HERC4: variants seen among roughly 807,000 people sequenced by gnomAD.
HERC4 encodes the protein probable E3 ubiquitin-protein ligase HERC4.
Under a neutral mutation model 124.3 loss-of-function variants are expected in HERC4, and 28 were observed. The observed-to-expected ratio is 0.23, with a 90% CI of 0.17 to 0.31. The LOEUF (loss-of-function observed/expected upper bound fraction) is 0.31, where lower values mean the gene tolerates loss of function less well. Ranked by LOEUF, HERC4 falls within the 10% of genes least tolerant of loss-of-function variation. HERC4 has a pLI of 1.00. For synonymous variants in HERC4, 407 were observed against 421.5 expected, an observed-to-expected ratio of 0.97 and a Z score of 0.42; for missense variants, 713 against 1,229.3, an observed-to-expected ratio of 0.58 and a Z score of 6.28.
intron 22 of HERC4, 136 bp downstream of exon 22, chr10:67,936,017 A>ATTAT (rs2032327446): frequency 3.8e-6 from 2 of 525,648 alleles, no homozygotes; most frequent in African/African-American, 3.9e-5. Context: ...GAAAAGGCAG[A>ATTAT]TTATTTCCTC....
chr10:68,069,717 A>T, intron 3 of HERC4: 7 of 985,474 alleles, frequency 7.1e-6, no homozygotes, highest in Non-Finnish European at 8.4e-6. Flanking sequence ...AGTTCCCTCC[A>T]TTCCATGTGC....
At chr10:68,026,010 T>A (rs2038879497) in intron 7 of HERC4, among the ~76,000 whole-genome samples, 1 of 152,350 alleles carries the variant, frequency 6.6e-6, no homozygotes, top group Non-Finnish European at 1.5e-5. Context: ...GGTATCATCT[T>A]CACTTTTCAA....
In HERC4 at chr10:67,936,214, C is replaced by T. The variant is rs1379310730; in HGVS notation, c.2593G>A (p.Ala865Thr). 3 of 1,599,308 alleles carry T rather than the reference C, an allele frequency of 1.9e-6. No homozygotes were observed. The African/African-American group carries it at 4.0e-5, about 21-fold the overall frequency. The change falls in exon 22 of 25, where the codon GCA becomes ACA. Residue 865 changes from alanine to threonine, a missense_variant. Physicochemically the swap from Ala to Thr is moderately conservative, Grantham distance 58 (BLOSUM62 0). Coordinates refer to ENST00000373700, the MANE Select transcript of HERC4 (RefSeq NM_015601.4). ...AGAACCAGCTCTTTCACTTCTGTTG[C>T]ACCAAAGTTTTCAACTGTGATCTAT... ...NFTITVENFG[A>T]TEVKELVLNG... is the part of the protein sequence containing the mutation.
chr10:68,047,925 TTTTG>T (rs1033880065), intron 3 of HERC4, among the ~76,000 whole-genome samples: 1 of 149,982 alleles, frequency 6.7e-6, no homozygotes, highest in African/African-American at 2.5e-5. Flanking sequence ...AATGTTTTGT[TTTTG>T]TTTTTTTTTT....
chr10:67,973,841 C>T (rs979271872), intron 15 of HERC4, among the ~76,000 whole-genome samples: 3 of 151,908 alleles, frequency 2.0e-5, no homozygotes, highest in African/African-American at 4.8e-5. Flanking sequence ...ATCACAAGGG[C>T]AAGAGATCGA....
At chr10:67,967,662 G>A (rs2034969660) in intron 15 of HERC4, among the ~76,000 whole-genome samples, 1 of 152,034 alleles carries the variant, frequency 6.6e-6, no homozygotes. Context: ...CACCAATACT[G>A]GAACAATGAA....
chr10:68,043,585 A>G (rs1285574753), intron 4 of HERC4, among the ~76,000 whole-genome samples: 1 of 152,248 alleles, frequency 6.6e-6, no homozygotes, highest in African/African-American at 2.4e-5. Flanking sequence ...GGGAGGCCAA[A>G]GTGGGCAGAT....
At chr10:67,955,369 G>A (rs936790231) in intron 17 of HERC4, 7 of 388,994 alleles carry the variant, frequency 1.8e-5, no homozygotes, top group African/African-American at 1.3e-4. Context: ...ATTAGAGTAA[G>A]CCAGTACAGA....
intron 22 of HERC4, among the ~76,000 whole-genome samples, chr10:67,934,526 T>A (rs927742067): frequency 6.6e-6 from 1 of 152,170 alleles, no homozygotes; most frequent in Non-Finnish European, 1.5e-5. Context: ...TAATCCTGTG[T>A]CTTCCTCTTT....
At chr10:68,003,814 T>A (rs920864112) in intron 9 of HERC4, among the ~76,000 whole-genome samples, 3 of 152,220 alleles carry the variant, frequency 2.0e-5, no homozygotes, top group Non-Finnish European at 4.4e-5. Context: ...AGTGCTGCAA[T>A]AAACATGAGA....
At chr10:67,986,510 A>G (rs1296093694) in intron 15 of HERC4, among the ~76,000 whole-genome samples, 2 of 151,308 alleles carry the variant, frequency 1.3e-5, no homozygotes, top group Admixed American at 6.6e-5. Flanking sequence ...GCACCACCAT[A>G]CCCAGCTAAT....
At chr10:67,972,136 C>T (rs112624013) in intron 15 of HERC4, among the ~76,000 whole-genome samples, 3,342 of 148,058 alleles carry the variant, frequency 0.023, 138 homozygotes, top group African/African-American at 0.079. Context: ...ATCATTTGAA[C>T]CTGGGAGGCA....
At chr10:68,039,438 C>G in intron 4 of HERC4, 1 of 1,550,704 alleles carries the variant, frequency 6.4e-7, no homozygotes, top group Non-Finnish European at 8.7e-7. Context: ...ATAAGAGAGT[C>G]CGGAGCAAAT....
intron 17 of HERC4, 89 bp from the exon 18 acceptor site, chr10:67,955,219 G>T: frequency 9.0e-7 from 1 of 1,112,750 alleles, no homozygotes. Context: ...ATTAGTTACA[G>T]GTATTCTATA....
rs35472959 is a variant in HERC4, at chr10:67,936,179, T to G, written c.2628A>C (p.Ala876=). ...TEVKELVLNG[A]DTAVNKQNRQ... is the part of the protein sequence containing the mutation. ...GATTTTGTTTGTTAACAGCTGTGTC[T>G]GCACCATTTAGAACCAGCTCTTTCA... is the stretch of plus-strand genomic sequence containing the variant. Residue 876 remains alanine, a synonymous_variant, in exon 22 of 25, where the codon GCA becomes GCC. Coordinates refer to ENST00000373700, the MANE Select transcript of HERC4 (RefSeq NM_015601.4). 1.4e-3 allele frequency: 2,289 copies of G among 1,603,486 alleles called. 26 individuals carry two copies. The African/African-American group carries it at 0.025, about 17-fold the overall frequency.
intron 5 of HERC4, 123 bp from the exon 6 acceptor site, chr10:68,034,309 C>A (rs2039350367): frequency 1.5e-6 from 1 of 685,228 alleles, no homozygotes; most frequent in Admixed American, 2.9e-5. Context: ...TGCCTATCAT[C>A]AAAAGAATAT....
intron 8 of HERC4, among the ~76,000 whole-genome samples, chr10:68,021,418 C>T (rs905603382): frequency 1.3e-5 from 2 of 152,162 alleles, no homozygotes; most frequent in African/African-American, 4.8e-5. Flanking sequence ...AGAAAAAGCA[C>T]TTGCTTTTCC....
At chr10:68,064,849 G>A (rs927946481) in intron 3 of HERC4, among the ~76,000 whole-genome samples, 1 of 151,780 alleles carries the variant, frequency 6.6e-6, no homozygotes, top group South Asian at 2.1e-4. Flanking sequence ...GCACACGTCT[G>A]TAATCCCAGC....
chr10:67,936,495 C>T (rs887922976), intron 21 of HERC4, among the ~76,000 whole-genome samples: 10 of 152,260 alleles, frequency 6.6e-5, no homozygotes, highest in African/African-American at 2.4e-4. Flanking sequence ...ATTTGTTGTG[C>T]ATAAAACTTT....
Sources: gnomAD v4.1 joint callset for allele counts (sites outside exome capture counted in the v4.1 genomes callset) on GRCh38, gnomAD v4.1.1 for gene constraint, MANE v1.5 for transcripts, NCBI Gene and HGNC (gene_info 2026-07-23, HGNC 2026-07-21) for gene names.